The following PIEZO2 variants were observed in gnomAD, a reference collection of about 807,000 sequenced individuals.
PIEZO2 encodes the protein piezo type mechanosensitive ion channel component 2.
Under a neutral mutation model 337.3 loss-of-function variants are expected in PIEZO2, and 172 were observed. The ratio of observed to expected loss-of-function variants is 0.51; its 90% CI spans 0.45 to 0.58. The LOEUF is 0.58. Ranked by LOEUF, PIEZO2 falls within the 20% of genes least tolerant of loss-of-function variation. The probability of loss-of-function intolerance (pLI) is 0.00; values close to 1 mark genes in which losing one functional copy is unlikely to be tolerated. For missense variants in PIEZO2, 3,028 were observed against 3,391.3 expected, an observed-to-expected ratio of 0.89 and a Z score of 2.66; for synonymous variants, 1,251 against 1,228.5, an observed-to-expected ratio of 1.02 and a Z score of -0.38.
At position 11,021,545 on chromosome 18, in the gene PIEZO2, T is replaced by C. The variant is rs989059305; in HGVS notation, c.161-41885A>G. 6.6e-6 allele frequency among the ~76,000 whole-genome samples: 1 copy of C among 152,190 alleles called. No individual in the cohort carries two copies. Among genetic ancestry groups the C allele is most frequent in the Non-Finnish European group, 1.5e-5 (1 of 68,040 alleles). On this transcript the variant is annotated intron_variant, in intron 2 of 55. Transcript: ENST00000674853. This position sits in a 1 kb window ranked among gnomAD's most constrained non-coding sequence, Gnocchi z 4.7. ...TCCTGCTTCAGCCGCCAATGGCGTT[T>C]AGTCTCCTTGTGAATTCGTGAGGAG...
intron 4 of PIEZO2, among the ~76,000 whole-genome samples, chr18:10,901,428 A>G (rs1348722698): frequency 1.1e-4 from 10 of 88,244 alleles, no homozygotes; most frequent in African/African-American, 3.8e-4. Context: ...ACACACACAC[A>G]CGCACACACA....
rs571679743 is a variant in PIEZO2, at chr18:11,083,131, G to A, written c.65-16909C>T. Among the ~76,000 whole-genome samples, 18 of 152,262 alleles carry A rather than the reference G, an allele frequency of 1.2e-4. No homozygotes were observed. The highest frequency in any genetic ancestry group is 3.9e-4 in the African/African-American group (16 of 41,548). ...AATCCCATGCTAAGCATCCATCACCGTTCTCTACCTTTGCATACCTTGCCT... is the reference window on the plus strand; with the variant it reads ...AATCCCATGCTAAGCATCCATCACCATTCTCTACCTTTGCATACCTTGCCT... On this transcript the variant is annotated intron_variant, in intron 1 of 55. Coordinates refer to ENST00000674853, the MANE Select transcript of PIEZO2 (RefSeq NM_001378183.1). This position sits in a 1 kb window ranked among gnomAD's most constrained non-coding sequence, Gnocchi z 4.4.
intron 36 of PIEZO2, among the ~76,000 whole-genome samples, chr18:10,725,642 A>C (rs1428494358): frequency 1.3e-5 from 2 of 152,156 alleles, no homozygotes; most frequent in Admixed American, 6.5e-5. Context: ...AGGCCAGAAC[A>C]TGCCTGCCCA....
rs1351301176 is a variant in PIEZO2 at position 11,143,635 on chromosome 18, ACACACTCT to A, written c.64+4882_64+4889del. ...CACACACACACACACACACACACAC[ACACACTCT>A]CTCTCTCTCTCTCTCTCTCTCTCTC... is the stretch of plus-strand genomic sequence containing the variant. On this transcript the variant is annotated intron_variant, in intron 1 of 55. Coordinates refer to ENST00000674853, the MANE Select transcript of PIEZO2 (RefSeq NM_001378183.1). This position sits in a 1 kb window ranked among gnomAD's most constrained non-coding sequence, Gnocchi z 4.9. Among the ~76,000 whole-genome samples, 360 of 75,864 alleles carry A rather than the reference ACACACTCT, an allele frequency of 4.7e-3. 2 individuals are homozygous for A. Among genetic ancestry groups the A allele is most frequent in the African/African-American group, 0.027 (342 of 12,454 alleles). 49.8% of individuals were successfully genotyped at this position (75,864 alleles called of 152,430 possible). A position where few individuals can be genotyped will look rare whatever the true frequency, so the allele number is the denominator to read the frequency against.
At chr18:11,063,708 C>G (rs979040739) in intron 2 of PIEZO2, among the ~76,000 whole-genome samples, 12 of 152,200 alleles carry the variant, frequency 7.9e-5, no homozygotes, top group African/African-American at 2.9e-4. Context: ...CTGATTCAAA[C>G]TTATTGTTTC....
At chr18:11,015,977 G>A (rs966204716) in intron 2 of PIEZO2, among the ~76,000 whole-genome samples, 10 of 152,140 alleles carry the variant, frequency 6.6e-5, no homozygotes, top group African/African-American at 1.9e-4. Flanking sequence ...TCAACTGCAC[G>A]TTAGTGAGAA....
chr18:11,041,685 T>TA (rs889718869), intron 2 of PIEZO2, among the ~76,000 whole-genome samples: 1 of 151,946 alleles, frequency 6.6e-6, no homozygotes, highest in African/African-American at 2.4e-5. Context: ...CTTCTTAATG[T>TA]AAAAAAAATA....
chr18:11,084,176 CAAAAAAAAAAAA>C (rs1161713844), intron 1 of PIEZO2, among the ~76,000 whole-genome samples: 2 of 64,778 alleles, frequency 3.1e-5, no homozygotes, highest in South Asian at 1.3e-3. Context: ...AACTCTGTCT[CAAAAAAAAAAAA>C]AAAAAAAAAA....
chr18:11,066,842 T>C (rs2038170724), intron 1 of PIEZO2, among the ~76,000 whole-genome samples: 1 of 152,208 alleles, frequency 6.6e-6, no homozygotes, highest in Non-Finnish European at 1.5e-5. Context: ...TCAGGTAATC[T>C]GCCCACCTCA....
In PIEZO2 at chr18:10,762,461, C is replaced by T. The variant is rs988279345; in HGVS notation, c.3249+39G>A. On this transcript the variant is annotated intron_variant, in intron 23 of 55. Transcript: ENST00000674853. ...AAAAGAATCCTGAACTATTATATAA[C>T]GGAGTGGAGGCCCAAACTAAGCACG... The T allele has an allele frequency of 4.3e-5, 66 of 1,528,224 alleles. No individual in the cohort carries two copies. In the African/African-American group the frequency reaches 4.6e-4, roughly 11 times the overall value. 94.7% of individuals were successfully genotyped at this position (1,528,224 alleles called of 1,614,324 possible). A position where few individuals can be genotyped will look rare whatever the true frequency, so the allele number is the denominator to read the frequency against.
At position 10,726,548 on chromosome 18, in the gene PIEZO2, G is replaced by A. The variant is rs1183423997; in HGVS notation, c.5029+4859C>T. ...TGCGCTGCTCTGCTCTGCTACACCA[G>A]CCGCCACGCTGTGCGTCTGTCCTTC... On this transcript the variant is annotated intron_variant, in intron 36 of 55. Transcript: ENST00000674853. The surrounding 1 kb of genome is among the most constrained non-coding windows in gnomAD (Gnocchi z 5.9). The A allele has an allele frequency of 1.4e-6, 2 of 1,422,944 alleles. No individual in the cohort carries two copies. Among genetic ancestry groups the A allele is most frequent in the African/African-American group, 2.9e-5 (2 of 69,452 alleles). 88.1% of individuals were successfully genotyped at this position (1,422,944 alleles called of 1,614,324 possible).
intron 26 of PIEZO2, among the ~76,000 whole-genome samples, chr18:10,758,806 G>A (rs116569807): frequency 0.012 from 1,874 of 152,308 alleles, 38 homozygotes; most frequent in African/African-American, 0.043. Flanking sequence ...GTGGTGGACT[G>A]TGCTGGACAG....
At position 10,821,202 on chromosome 18, in the gene PIEZO2, C is replaced by T. The variant is rs1450651185; in HGVS notation, c.918-13928G>A. ...TGCTCAGTTTGGATTCCCTTCCCCA[C>T]ATAATGTACAGTAAATTCCTCCAGG... is the stretch of plus-strand genomic sequence containing the variant. On this transcript the variant is annotated intron_variant, in intron 7 of 55. Coordinates refer to ENST00000674853, the MANE Select transcript of PIEZO2 (RefSeq NM_001378183.1). This position sits in a 1 kb window ranked among gnomAD's most constrained non-coding sequence, Gnocchi z 4.2. Among the ~76,000 whole-genome samples, 3 of 152,176 alleles carry T rather than the reference C, an allele frequency of 2.0e-5. No individual in the cohort carries two copies. Among genetic ancestry groups the T allele is most frequent in the Admixed American group, 2.0e-4 (3 of 15,272 alleles).
rs573863904 is a variant in PIEZO2 at position 11,112,679 on chromosome 18, C to G, written c.64+35846G>C. On this transcript the variant is annotated intron_variant, in intron 1 of 55. Transcript: ENST00000674853. This position sits in a 1 kb window ranked among gnomAD's most constrained non-coding sequence, Gnocchi z 4.3. ...TGCCAGATTAGGCACAGAAACAAACCTATATAACTTTCTGAAAATAATGCA... is the reference window on the plus strand; with the variant it reads ...TGCCAGATTAGGCACAGAAACAAACGTATATAACTTTCTGAAAATAATGCA... Among the ~76,000 whole-genome samples the G allele has an allele frequency of 6.6e-6, 1 of 152,178 alleles. No homozygotes were observed. Among genetic ancestry groups the G allele is most frequent in the African/African-American group, 2.4e-5 (1 of 41,442 alleles).
In PIEZO2 at chr18:10,952,508, T is replaced by C. The variant is rs564451606; in HGVS notation, c.286+27027A>G. On this transcript the variant is annotated intron_variant, in intron 3 of 55. Coordinates refer to ENST00000674853, the MANE Select transcript of PIEZO2 (RefSeq NM_001378183.1). The surrounding 1 kb of genome is among the most constrained non-coding windows in gnomAD (Gnocchi z 4.1). Reference sequence around the variant, plus strand: ...TACTGTCTGAATTCACTTAACATAATGCTGAATTGAGATGCTCTTGCATGT... The same window carrying C: ...TACTGTCTGAATTCACTTAACATAACGCTGAATTGAGATGCTCTTGCATGT... Among the ~76,000 whole-genome samples, 1 of 152,342 alleles carries C rather than the reference T, an allele frequency of 6.6e-6. No individual in the cohort carries two copies. The highest frequency in any genetic ancestry group is 1.9e-4 in the East Asian group (1 of 5,194).
At chr18:10,742,853 A>G (rs1031035109) in intron 31 of PIEZO2, among the ~76,000 whole-genome samples, 1 of 151,920 alleles carries the variant, frequency 6.6e-6, no homozygotes, top group African/African-American at 2.4e-5. Context: ...TTGGCACTGC[A>G]TAGATGCCAG....
intron 4 of PIEZO2, among the ~76,000 whole-genome samples, chr18:10,909,170 T>C (rs111377191): frequency 4.6e-5 from 7 of 152,282 alleles, no homozygotes; most frequent in African/African-American, 1.4e-4. Flanking sequence ...TCAACACATA[T>C]ATGTTCCCAG....
intron 1 of PIEZO2, among the ~76,000 whole-genome samples, chr18:11,124,616 C>T (rs919027255): frequency 2.0e-5 from 3 of 152,120 alleles, no homozygotes; most frequent in African/African-American, 7.2e-5. Context: ...CCACCACCTG[C>T]CCCTCTAGAC....
chr18:11,129,033 A>G lies in PIEZO2; in HGVS notation c.64+19492T>C, dbSNP rs1273815302. ...TTGGTTGGTTAAAATGTGGATTAAA[A>G]GATGGCCCACTATGAGCGAGCTGGA... On this transcript the variant is annotated intron_variant, in intron 1 of 55. Transcript: ENST00000674853. The surrounding 1 kb of genome is among the most constrained non-coding windows in gnomAD (Gnocchi z 4.6). Among the ~76,000 whole-genome samples, 1 of 152,194 alleles carries G rather than the reference A, an allele frequency of 6.6e-6. No homozygotes were observed. The highest frequency in any genetic ancestry group is 6.5e-5 in the Admixed American group (1 of 15,274).
Sources: allele counts gnomAD v4.1 joint callset (sites outside exome capture counted in the v4.1 genomes callset), GRCh38; gene constraint gnomAD v4.1.1; non-coding constraint Gnocchi (gnomAD v3.1); transcripts MANE v1.5; gene names NCBI Gene and HGNC (gene_info 2026-07-23, HGNC 2026-07-21).